Variants in ZNF518B observed in about 807,000 individuals in gnomAD.
The protein encoded by ZNF518B is zinc finger protein 518B.
ZNF518B carries 23 observed loss-of-function variants against 56.3 expected under a neutral mutation model. That is an observed-to-expected ratio of 0.41 (90% CI 0.29 to 0.58). The LOEUF (loss-of-function observed/expected upper bound fraction) is 0.58. Ranked by LOEUF, ZNF518B falls within the 20% of genes least tolerant of loss-of-function variation. The pLI is 0.32. For missense variants in ZNF518B, 1,460 were observed against 1,272.1 expected, an observed-to-expected ratio of 1.15 and a Z score of -2.25; for synonymous variants, 529 against 465.9, an observed-to-expected ratio of 1.14 and a Z score of -1.74.
At position 10,445,740 on chromosome 4, in the gene ZNF518B, A is replaced by G. The variant is rs766658358; in HGVS notation, c.589T>C (p.Tyr197His). The change falls in exon 3 of 3, where the codon TAT (tyrosine) becomes CAT (histidine). Residue 197 changes from tyrosine to histidine, a missense_variant. Physicochemically the swap from Tyr to His is moderately conservative, Grantham distance 83. Transcript: ENST00000326756. ...ATATAATCATTTCTAATAGCACCATAGTCACAATACTCACACTGATAAGGA... is the reference window on the plus strand; with the variant it reads ...ATATAATCATTTCTAATAGCACCATGGTCACAATACTCACACTGATAAGGA... ...IFPYQCEYCD[Y>H]GAIRNDYIVK... 1.2e-6 allele frequency: 2 copies of G among 1,614,194 alleles called. No individual in the cohort carries two copies. Among genetic ancestry groups the G allele is most frequent in the Non-Finnish European group, 1.7e-6 (2 of 1,180,032 alleles).
chr4:10,447,181 C>G (rs2108989799), intron 2 of ZNF518B, among the ~76,000 whole-genome samples: 1 of 152,322 alleles, frequency 6.6e-6, no homozygotes, highest in African/African-American at 2.4e-5. Context: ...AAATCAGTCC[C>G]TCTCCTGGTG....
Position 10,443,695 on chromosome 4 carries a change from T to C in ZNF518B, c.2634A>G (p.Arg878=). Residue 878 remains arginine (R), a synonymous_variant, in exon 3 of 3, where the codon AGA becomes AGG. Coordinates refer to ENST00000326756, the MANE Select transcript of ZNF518B (RefSeq NM_053042.3). ...TTATAGAAAGACTTCTGGAAAGCAGTCTCCCTTGCTTATTTAATTCACTGC... is the reference window on the plus strand; with the variant it reads ...TTATAGAAAGACTTCTGGAAAGCAGCCTCCCTTGCTTATTTAATTCACTGC... ...QGSSELNKQG[R]LLSRSLSISR... is the part of the protein sequence containing the mutation. 1 of 1,614,120 alleles carries C rather than the reference T, an allele frequency of 6.2e-7. No homozygotes were observed. The highest frequency in any genetic ancestry group is 8.5e-7 in the Non-Finnish European group (1 of 1,180,012).
chr4:10,444,093 G>A lies in ZNF518B; in HGVS notation c.2236C>T (p.Pro746Ser). Residue 746 changes from proline to serine, a missense_variant, in exon 3 of 3, where the codon CCA (proline) becomes TCA (serine). Pro to Ser is a moderately conservative substitution (Grantham distance 74, BLOSUM62 -1). Coordinates refer to ENST00000326756, the MANE Select transcript of ZNF518B (RefSeq NM_053042.3). Reference sequence around the variant, plus strand: ...CTATTACTGCCATCTGCAAAGTGTGGATATATTTGTTGATGAGTAAGCTGT... The same window carrying A: ...CTATTACTGCCATCTGCAAAGTGTGAATATATTTGTTGATGAGTAAGCTGT... Reference protein sequence around the residue: ...NRQLTHQQIYPHFADGSNRKT... With the variant: ...NRQLTHQQIYSHFADGSNRKT... The A allele has an allele frequency of 6.2e-7, 1 of 1,614,204 alleles. No homozygotes were observed. Among genetic ancestry groups the A allele is most frequent in the Non-Finnish European group, 8.5e-7 (1 of 1,180,040 alleles).
intron 2 of ZNF518B, chr4:10,450,947 T>C (rs1715277549): frequency 6.6e-6 from 1 of 152,228 alleles, no homozygotes; most frequent in Non-Finnish European, 1.5e-5. Flanking sequence ...AAAAATTATT[T>C]AGCAACATAC....
rs1418370790 is a variant in ZNF518B at position 10,446,122 on chromosome 4, G to C, written c.207C>G (p.Ile69Met). ...TCAKCKSVHK[I>M]SLQDLQKGTG... ...TACCCTTCTGCAAATCTTGAAGAGA[G>C]ATCTTGTGAACACTTTTGCACTTTG... Residue 69 changes from isoleucine (I) to methionine (M), a missense_variant, in exon 3 of 3, where the codon ATC (isoleucine) becomes ATG (methionine). By Grantham distance (10) the Ile-to-Met change is conservative. Coordinates refer to ENST00000326756, the MANE Select transcript of ZNF518B (RefSeq NM_053042.3). The C allele has an allele frequency of 6.2e-7, 1 of 1,614,218 alleles. No homozygotes were observed. Among genetic ancestry groups the C allele is most frequent in the Non-Finnish European group, 8.5e-7 (1 of 1,180,038 alleles).
At chr4:10,449,703 T>A (rs1408121955) in intron 2 of ZNF518B, among the ~76,000 whole-genome samples, 2 of 152,354 alleles carry the variant, frequency 1.3e-5, no homozygotes, top group South Asian at 2.1e-4. Context: ...CTACCAGTCT[T>A]GTAATACTAG....
upstream of ZNF518B, among the ~76,000 whole-genome samples, chr4:10,459,864 T>C (rs1312346489): frequency 6.6e-6 from 1 of 152,136 alleles, no homozygotes; most frequent in East Asian, 1.9e-4. Flanking sequence ...AGACAATACA[T>C]GTTTGTTTGG....
At position 10,443,965 on chromosome 4, in the gene ZNF518B, G is replaced by T; in HGVS notation, c.2364C>A (p.His788Gln). 2 of 1,614,192 alleles carry T rather than the reference G, an allele frequency of 1.2e-6. No individual in the cohort carries two copies. The highest frequency in any genetic ancestry group is 1.7e-6 in the Non-Finnish European group (2 of 1,180,040). ...GTGCTTCACATGTAGCCTCTATGAT[G>T]TGGGCATTCTCAGAGGAATTAAGAA... ...LRVLNSSENA[H>Q]IIEATCEAPV... Residue 788 changes from histidine to glutamine, a missense_variant, in exon 3 of 3, where the codon CAC becomes CAA. By Grantham distance (24) the His-to-Gln change is conservative. Transcript: ENST00000326756.
chr4:10,444,760 G>C lies in ZNF518B; in HGVS notation c.1569C>G (p.Ser523Arg). 1.9e-6 allele frequency: 3 copies of C among 1,613,894 alleles called. No individual in the cohort carries two copies. Among genetic ancestry groups the C allele is most frequent in the Non-Finnish European group, 1.7e-6 (2 of 1,179,860 alleles). The change falls in exon 3 of 3, where the codon AGC becomes AGG. Residue 523 changes from serine (S) to arginine (R), a missense_variant. By Grantham distance (110) the Ser-to-Arg change is moderately radical (BLOSUM62 -1). Coordinates refer to ENST00000326756, the MANE Select transcript of ZNF518B (RefSeq NM_053042.3). ...FAESGRNLHS[S>R]SQQLLPFAAS... Reference sequence around the variant, plus strand: ...CAGCAAATGGGAGTAACTGCTGTGAGCTACTGTGTAAATTTCTTCCACTTT... The same window carrying C: ...CAGCAAATGGGAGTAACTGCTGTGACCTACTGTGTAAATTTCTTCCACTTT...
chr4:10,443,472 A>G lies in ZNF518B; in HGVS notation c.2857T>C (p.Ser953Pro), dbSNP rs1714780576. 2 of 1,614,120 alleles carry G rather than the reference A, an allele frequency of 1.2e-6. No individual in the cohort carries two copies. Among genetic ancestry groups the G allele is most frequent in the Non-Finnish European group, 1.7e-6 (2 of 1,179,958 alleles). The change falls in exon 3 of 3, where the codon TCG becomes CCG. Residue 953 changes from serine (S) to proline (P), a missense_variant. Physicochemically the swap from Ser to Pro is moderately conservative, Grantham distance 74. Transcript: ENST00000326756. ...TTCATCACATTGGTCACTTCTGGCG[A>G]GTCCACATCAGGGTGGTTTAACACA... ...VIVLNHPDVD[S>P]PEVTNVMKVI...
rs377055178 is a variant in ZNF518B at position 10,444,958 on chromosome 4, C to A, written c.1371G>T (p.Ser457=). The A allele has an allele frequency of 5.0e-6, 8 of 1,611,986 alleles. No homozygotes were observed. In the Admixed American group the frequency reaches 1.0e-4, roughly 20 times the overall value. ...VHNNGKSFIN[S]ETIEDFQKKN... ...TTTTCTGAAAATCCTCAATTGTTTCCGAATTAATGAAGGATTTTCCATTGT... is the reference window on the plus strand; with the variant it reads ...TTTTCTGAAAATCCTCAATTGTTTCAGAATTAATGAAGGATTTTCCATTGT... Residue 457 remains serine (S), a synonymous_variant, in exon 3 of 3, where the codon TCG becomes TCT. Transcript: ENST00000326756.
chr4:10,460,030 C>T (rs913851571), upstream of ZNF518B, among the ~76,000 whole-genome samples: 3 of 152,018 alleles, frequency 2.0e-5, no homozygotes, highest in East Asian at 1.9e-4. Context: ...TTGGGCTGGG[C>T]GCAGTAGCTC....
rs1468877663 is a variant in ZNF518B, at chr4:10,446,098, A to G, written c.231T>C (p.Gly77=). 1.9e-6 allele frequency: 3 copies of G among 1,614,186 alleles called. No homozygotes were observed. The part of the protein sequence containing the change: ...HKISLQDLQK[G]TGKDGMYVCF... Reference sequence around the variant, plus strand: ...AGACATACATACCGTCCTTCCCTGTACCCTTCTGCAAATCTTGAAGAGAGA... The same window carrying G: ...AGACATACATACCGTCCTTCCCTGTGCCCTTCTGCAAATCTTGAAGAGAGA... The change falls in exon 3 of 3, where the codon GGT becomes GGC. Residue 77 remains glycine (G), a synonymous_variant. Transcript: ENST00000326756.
intron 1 of ZNF518B, among the ~76,000 whole-genome samples, chr4:10,456,685 G>A (rs1715546200): frequency 6.6e-6 from 1 of 152,232 alleles, no homozygotes; most frequent in African/African-American, 2.4e-5. Context: ...AGGTGCATCG[G>A]GCGCATCGTC....
At position 10,444,898 on chromosome 4, in the gene ZNF518B, A is replaced by C. The variant is rs1472627761; in HGVS notation, c.1431T>G (p.Pro477=). The C allele has an allele frequency of 6.2e-7, 1 of 1,612,048 alleles. No homozygotes were observed. Among genetic ancestry groups the C allele is most frequent in the Non-Finnish European group, 8.5e-7 (1 of 1,179,396 alleles). The change falls in exon 3 of 3, where the codon CCT becomes CCG. Residue 477 remains proline, a synonymous_variant. Transcript: ENST00000326756. ...NNLYPHRTAF[P]SVALKGHSLA... Reference sequence around the variant, plus strand: ...GAGAATGACCTTTTAAGGCAACGGAAGGAAAAGCAGTTCTATGTGGATACA... The same window carrying C: ...GAGAATGACCTTTTAAGGCAACGGACGGAAAAGCAGTTCTATGTGGATACA...
intron 2 of ZNF518B, among the ~76,000 whole-genome samples, chr4:10,448,493 T>G (rs1223886866): frequency 6.6e-6 from 1 of 152,176 alleles, no homozygotes; most frequent in African/African-American, 2.4e-5. Flanking sequence ...AAGCTGTATT[T>G]TCTTTGGCAG....
At chr4:10,450,697 C>G (rs549411809) in intron 2 of ZNF518B, among the ~76,000 whole-genome samples, 1 of 152,040 alleles carries the variant, frequency 6.6e-6, no homozygotes, top group Non-Finnish European at 1.5e-5. Context: ...AAAAAGACAC[C>G]GGAGACAAAG....
At position 10,444,974 on chromosome 4, in the gene ZNF518B, T is replaced by C. The variant is rs370387533; in HGVS notation, c.1355A>G (p.Lys452Arg). ...MPNSSVHNNG[K>R]SFINSETIED... ...AATTGTTTCCGAATTAATGAAGGATTTTCCATTGTTGTGCACACTAGAATT... is the reference window on the plus strand; with the variant it reads ...AATTGTTTCCGAATTAATGAAGGATCTTCCATTGTTGTGCACACTAGAATT... The change falls in exon 3 of 3, where the codon AAA becomes AGA. Residue 452 changes from lysine (K) to arginine (R), a missense_variant. Coordinates refer to ENST00000326756, the MANE Select transcript of ZNF518B (RefSeq NM_053042.3). The C allele has an allele frequency of 1.4e-4, 223 of 1,612,832 alleles. No individual in the cohort carries two copies. Among genetic ancestry groups the C allele is most frequent in the Middle Eastern group, 3.3e-4 (2 of 6,076 alleles).
At position 10,441,177 on chromosome 4, in the gene ZNF518B, G is replaced by A. The variant is rs763748177; in HGVS notation, c.*1927C>T. 6.6e-6 allele frequency: 1 copy of A among 152,276 alleles called. No individual in the cohort carries two copies. The highest frequency in any genetic ancestry group is 1.5e-5 in the Non-Finnish European group (1 of 67,972). The allele number at this position is 152,276 out of a possible 1,614,324, so 9.4% of individuals were successfully genotyped here. A position where few individuals can be genotyped will look rare whatever the true frequency, so the allele number is the denominator to read the frequency against. ...AAATAAATTTCTAGAATATAAAAAC[G>A]TTCTACATTTTTCCAGCCCATGTAT... On this transcript the variant is annotated 3_prime_UTR_variant, in exon 3 of 3. Transcript: ENST00000326756.
Sources: gnomAD v4.1 joint callset for allele counts (sites outside exome capture counted in the v4.1 genomes callset) on GRCh38, gnomAD v4.1.1 for gene constraint, MANE v1.5 for transcripts, NCBI Gene and HGNC (gene_info 2026-07-23, HGNC 2026-07-21) for gene names.